The following CDH12 variants were observed in gnomAD, a reference collection of about 807,000 sequenced individuals.
CDH12 encodes the protein cadherin-12.
A neutral mutation model predicts 74.1 loss-of-function variants in CDH12; 41 were observed. The ratio of observed to expected loss-of-function variants is 0.55; its 90% CI spans 0.43 to 0.72. CDH12 has a LOEUF of 0.72. CDH12 is among the 30% of genes least tolerant of loss of function. CDH12 has a pLI of 0.00. For missense variants in CDH12, 945 were observed against 977.2 expected, an observed-to-expected ratio of 0.97 and a Z score of 0.44; for synonymous variants, 399 against 355.0, an observed-to-expected ratio of 1.12 and a Z score of -1.39.
At chr5:22,557,582 A>C (rs1286977508) in intron 1 of CDH12, among the ~76,000 whole-genome samples, 2 of 152,112 alleles carry the variant, frequency 1.3e-5, no homozygotes, top group African/African-American at 4.8e-5. Flanking sequence ...AGTCAGTTTC[A>C]AGTGGGGTAA....
chr5:22,243,255 GA>G (rs920169091), intron 3 of CDH12, among the ~76,000 whole-genome samples: 2 of 151,736 alleles, frequency 1.3e-5, no homozygotes, highest in South Asian at 2.1e-4. Flanking sequence ...TATTTCAATG[GA>G]AAAAAAATCC....
rs763927043 is a variant in CDH12, at chr5:21,783,414, A to C, written c.1337T>G (p.Leu446Ter). The C allele has an allele frequency of 6.2e-7, 1 of 1,611,664 alleles. No individual in the cohort carries two copies. Among genetic ancestry groups the C allele is most frequent in the Non-Finnish European group, 8.5e-7 (1 of 1,177,800 alleles). Residue 446 changes from leucine to a stop codon, truncating the protein, a stop_gained, in exon 11 of 15, where the codon TTA becomes TGA. Coordinates refer to ENST00000382254, the MANE Select transcript of CDH12 (RefSeq NM_004061.5). LOFTEE classifies it high-confidence loss of function. ...GNEGTIATNELLDRESTAQYN... is the reference protein window; with the variant it reads ...GNEGTIATNE ...CTGCGCAGTGCTTTCTCTGTCTAGT[A>C]ATTCATTAGTGGCGATGGTTCCTTC...
intron 5 of CDH12, among the ~76,000 whole-genome samples, chr5:21,980,151 A>T (rs1015401060): frequency 1.3e-4 from 13 of 103,406 alleles, no homozygotes; most frequent in African/African-American, 2.4e-4. Context: ...AGTATAATAA[A>T]AAAAAAAAAC....
At chr5:22,321,336 C>T (rs1738869751) in intron 3 of CDH12, among the ~76,000 whole-genome samples, 1 of 148,288 alleles carries the variant, frequency 6.7e-6, no homozygotes, top group East Asian at 2.0e-4. Context: ...GAGTTCACGT[C>T]CTTTGTAGGG....
At chr5:22,141,010 T>C (rs1746759501) in intron 4 of CDH12, among the ~76,000 whole-genome samples, 1 of 152,172 alleles carries the variant, frequency 6.6e-6, no homozygotes, top group African/African-American at 2.4e-5. Flanking sequence ...ATTAAAACCT[T>C]TCCTCCTAGT....
chr5:22,782,052 A>AAC (rs1747409888), intron 1 of CDH12, among the ~76,000 whole-genome samples: 1 of 152,146 alleles, frequency 6.6e-6, no homozygotes, highest in South Asian at 2.1e-4. Flanking sequence ...CCCACATTGT[A>AAC]TTGTTGAATT....
intron 5 of CDH12, among the ~76,000 whole-genome samples, chr5:22,074,202 A>G (rs1283774485): frequency 6.6e-6 from 1 of 152,216 alleles, no homozygotes; most frequent in Non-Finnish European, 1.5e-5. Context: ...GAGAAAAACA[A>G]GAAATGGGGG....
At chr5:21,881,089 G>A (rs554003303) in intron 6 of CDH12, among the ~76,000 whole-genome samples, 1 of 151,918 alleles carries the variant, frequency 6.6e-6, no homozygotes, top group South Asian at 2.1e-4. Context: ...AGCTCACACT[G>A]CACTATGCAC....
chr5:22,045,065 A>C (rs891090487), intron 5 of CDH12, among the ~76,000 whole-genome samples: 6 of 152,244 alleles, frequency 3.9e-5, no homozygotes, highest in Non-Finnish European at 7.3e-5. Flanking sequence ...ATATACGAGA[A>C]ACTCAGACAA....
At chr5:22,609,215 A>G (rs752634997) in intron 1 of CDH12, among the ~76,000 whole-genome samples, 7 of 152,162 alleles carry the variant, frequency 4.6e-5, no homozygotes, top group Non-Finnish European at 8.8e-5. Flanking sequence ...ATGGAACCCA[A>G]TGTAATCCAG....
At chr5:22,786,727 T>C (rs1747644472) in intron 1 of CDH12, among the ~76,000 whole-genome samples, 1 of 151,990 alleles carries the variant, frequency 6.6e-6, no homozygotes, top group Admixed American at 6.6e-5. Context: ...TCTGTTTTTT[T>C]TTCTTTTTGA....
At chr5:22,480,456 T>A (rs1204067314) in intron 2 of CDH12, among the ~76,000 whole-genome samples, 3 of 151,692 alleles carry the variant, frequency 2.0e-5, no homozygotes, top group African/African-American at 7.3e-5. Flanking sequence ...TGGTGGTGCA[T>A]GCCTGTGGTC....
chr5:21,987,175 G>A (rs1397963583), intron 5 of CDH12, among the ~76,000 whole-genome samples: 1 of 151,394 alleles, frequency 6.6e-6, no homozygotes, highest in Non-Finnish European at 1.5e-5. Context: ...TTTGTTTAAT[G>A]GTATAAAATG....
intron 3 of CDH12, among the ~76,000 whole-genome samples, chr5:22,268,835 T>C (rs1227443254): frequency 6.6e-6 from 1 of 152,166 alleles, no homozygotes; most frequent in Admixed American, 6.6e-5. Flanking sequence ...TTTTTAATTA[T>C]TGAGCAACTC....
chr5:21,843,607 C>T (rs1032875160), intron 7 of CDH12, among the ~76,000 whole-genome samples: 3 of 151,898 alleles, frequency 2.0e-5, no homozygotes, highest in Non-Finnish European at 4.4e-5. Flanking sequence ...CTCCGCCTCC[C>T]GGGTTCAAGT....
At chr5:22,161,313 T>G (rs1366363744) in intron 4 of CDH12, among the ~76,000 whole-genome samples, 1 of 152,228 alleles carries the variant, frequency 6.6e-6, no homozygotes, top group Non-Finnish European at 1.5e-5. Flanking sequence ...TTAAGAATCC[T>G]TATGAAAAAA....
chr5:22,806,096 G>A (rs1340192557), intron 1 of CDH12, among the ~76,000 whole-genome samples: 1 of 152,084 alleles, frequency 6.6e-6, no homozygotes, highest in African/African-American at 2.4e-5. Context: ...CTTTGCTATT[G>A]TGAATAGTGC....
intron 1 of CDH12, among the ~76,000 whole-genome samples, chr5:22,694,755 T>C (rs1742260484): frequency 6.6e-6 from 1 of 151,926 alleles, no homozygotes; most frequent in African/African-American, 2.4e-5. Context: ...AAATTAATGT[T>C]TTAAGTTACT....
At chr5:22,478,292 C>T (rs983199080) in intron 2 of CDH12, among the ~76,000 whole-genome samples, 1 of 151,594 alleles carries the variant, frequency 6.6e-6, no homozygotes. Context: ...GTGGCGGGCG[C>T]CTGTAGTCCC....
Sources: allele counts gnomAD v4.1 joint callset (sites outside exome capture counted in the v4.1 genomes callset), GRCh38; gene constraint gnomAD v4.1.1; transcripts MANE v1.5; gene names NCBI Gene and HGNC (gene_info 2026-07-23, HGNC 2026-07-21).